CLPB: variants seen among roughly 807,000 people sequenced by gnomAD.
CLPB encodes the protein mitochondrial disaggregase.
A neutral mutation model predicts 78.4 loss-of-function variants in CLPB; 40 were observed. That is an observed-to-expected ratio of 0.51 (90% confidence interval 0.40 to 0.66). CLPB has a LOEUF of 0.66. Ranked by LOEUF, CLPB falls within the 30% of genes least tolerant of loss-of-function variation. The pLI is 0.00. For missense variants in CLPB, 780 were observed against 886.9 expected (o/e 0.88, Z 1.53); for synonymous variants, 333 against 348.0 (o/e 0.96, Z 0.48).
Position 72,294,089 on chromosome 11 carries a change from C to T in CLPB, c.1718G>A (p.Arg573His), listed in dbSNP as rs765245566. 6.2e-5 allele frequency: 100 copies of T among 1,614,000 alleles called. No homozygotes were observed. Among genetic ancestry groups the T allele is most frequent in the Middle Eastern group, 1.6e-4 (1 of 6,084 alleles). ...QRHNITLLWD[R>H]EVADVLVDGY... ...GTCGACCAGCACATCTGCCACCTCGCGGTCCCAGAGCAGCGTGATGTTGTG... is the reference window on the plus strand; with the variant it reads ...GTCGACCAGCACATCTGCCACCTCGTGGTCCCAGAGCAGCGTGATGTTGTG... Residue 573 changes from arginine (R) to histidine (H), a missense_variant, in exon 15 of 16, where the codon CGC becomes CAC. Arg to His is a conservative substitution (Grantham distance 29). Transcript: ENST00000538039.
intron 4 of CLPB, among the ~76,000 whole-genome samples, chr11:72,368,622 A>G (rs2135643744): frequency 6.6e-6 from 1 of 152,334 alleles, no homozygotes; most frequent in Middle Eastern, 3.4e-3. Flanking sequence ...TTCCTTTTAC[A>G]TAGTCTTGTG....
rs772920188 is a variant in CLPB at position 72,307,270 on chromosome 11, G to A, written c.1067-16C>T. ...TCTGTTTTTCCTAGTAAGAAAGAAG[G>A]GGGAGGTGTTGGGTTAGAACCAGGT... On this transcript the variant is annotated splice_polypyrimidine_tract_variant and intron_variant, in intron 8 of 15. Coordinates refer to ENST00000538039, the MANE Select transcript of CLPB (RefSeq NM_001258392.3). The A allele has an allele frequency of 6.2e-7, 1 of 1,613,450 alleles. No homozygotes were observed. The highest frequency in any genetic ancestry group is 8.5e-7 in the Non-Finnish European group (1 of 1,179,520).
chr11:72,425,238 A>G (rs1441995186), intron 2 of CLPB, among the ~76,000 whole-genome samples: 1 of 152,222 alleles, frequency 6.6e-6, no homozygotes, highest in East Asian at 1.9e-4. Context: ...CAGTTGCATA[A>G]TTAGTTATCT....
intron 11 of CLPB, among the ~76,000 whole-genome samples, chr11:72,297,425 G>GTTAA (rs1289501702): frequency 7.9e-5 from 12 of 152,236 alleles, no homozygotes; most frequent in Admixed American, 7.8e-4. Flanking sequence ...TTGAGAAACT[G>GTTAA]TTAATTCCCA....
chr11:72,387,732 T>A (rs1184377106), intron 3 of CLPB, among the ~76,000 whole-genome samples: 2 of 152,008 alleles, frequency 1.3e-5, no homozygotes, highest in Non-Finnish European at 2.9e-5. Flanking sequence ...ATCACATGAA[T>A]CTGGGCTGTG....
intron 5 of CLPB, chr11:72,333,079 C>G (rs1274228245): frequency 1.3e-5 from 2 of 152,218 alleles, no homozygotes; most frequent in African/African-American, 2.4e-5. Context: ...AAGCTACAGG[C>G]TCAGAAAAGT....
intron 7 of CLPB, among the ~76,000 whole-genome samples, chr11:72,315,041 C>A (rs1949917025): frequency 6.6e-6 from 1 of 152,064 alleles, no homozygotes; most frequent in African/African-American, 2.4e-5. Context: ...GAAGGAGCTG[C>A]CTGGTTCAGA....
chr11:72,313,852 C>T (rs1393429648), intron 7 of CLPB, among the ~76,000 whole-genome samples: 7 of 152,114 alleles, frequency 4.6e-5, no homozygotes, highest in Admixed American at 4.6e-4. Flanking sequence ...TAGTAAAGGG[C>T]CTAGGTCTTG....
Position 72,299,290 on chromosome 11 carries a change from A to T in CLPB, c.1329+2513T>A, listed in dbSNP as rs529780275. The stretch of plus-strand genomic sequence containing the variant: ...TTAATGACCCTCTCCCTTCTCATCC[A>T]TTCTTTACACAGCTGCCCACGGCAT... On this transcript the variant is annotated intron_variant, in intron 11 of 15. Coordinates refer to ENST00000538039, the MANE Select transcript of CLPB (RefSeq NM_001258392.3). Among the ~76,000 whole-genome samples the T allele has an allele frequency of 2.0e-5, 3 of 152,300 alleles. No homozygotes were observed. In the South Asian group the frequency reaches 6.2e-4, roughly 32 times the overall value.
chr11:72,339,695 T>C (rs1950384776), intron 5 of CLPB, among the ~76,000 whole-genome samples: 1 of 152,246 alleles, frequency 6.6e-6, no homozygotes, highest in Admixed American at 6.5e-5. Context: ...AGTAAGAAGA[T>C]ACTGTTCTTG....
intron 5 of CLPB, among the ~76,000 whole-genome samples, chr11:72,350,408 C>T (rs1950593704): frequency 6.6e-6 from 1 of 152,204 alleles, no homozygotes; most frequent in South Asian, 2.1e-4. Flanking sequence ...CTCCATTCCC[C>T]TTCGGACTAG....
chr11:72,401,135 A>G (rs1855548631), intron 3 of CLPB, among the ~76,000 whole-genome samples: 1 of 152,164 alleles, frequency 6.6e-6, no homozygotes, highest in African/African-American at 2.4e-5. Flanking sequence ...ATTTATATCA[A>G]TTTTGCTTTT....
Position 72,295,532 on chromosome 11 carries a change from T to C in CLPB, c.1446A>G (p.Glu482=). The change falls in exon 12 of 16, where the codon GAA becomes GAG. Residue 482 remains glutamate, a synonymous_variant. Transcript: ENST00000538039. ...TACGGTTACGGCTCATCTCCAAAGCTTCCTGCCTCAGCTGCAGCGCGTGCT... is the reference window on the plus strand; with the variant it reads ...TACGGTTACGGCTCATCTCCAAAGCCTCCTGCCTCAGCTGCAGCGCGTGCT... ...IAQHALQLRQ[E]ALEMSRNRIA... is the part of the protein sequence containing the mutation. The C allele has an allele frequency of 6.2e-7, 1 of 1,614,184 alleles. No individual in the cohort carries two copies. Among genetic ancestry groups the C allele is most frequent in the South Asian group, 1.1e-5 (1 of 91,078 alleles).
chr11:72,335,713 T>A (rs1246715664), intron 5 of CLPB, among the ~76,000 whole-genome samples: 1 of 152,038 alleles, frequency 6.6e-6, no homozygotes. Context: ...AGACTGAGAG[T>A]TCTTAGAAGC....
At position 72,293,047 on chromosome 11, in the gene CLPB, C is replaced by G. The variant is rs1013421182; in HGVS notation, c.*320G>C. 4.0e-6 allele frequency: 1 copy of G among 249,440 alleles called. No homozygotes were observed. Among genetic ancestry groups the G allele is most frequent in the Non-Finnish European group, 7.9e-6 (1 of 126,688 alleles). 15.5% of individuals were successfully genotyped at this position (249,440 alleles called of 1,614,324 possible). On this transcript the variant is annotated 3_prime_UTR_variant, in exon 16 of 16. Coordinates refer to ENST00000538039, the MANE Select transcript of CLPB (RefSeq NM_001258392.3). Reference sequence around the variant, plus strand: ...TTCCTGGGAACATGAGAAAGTCTGGCGACTATGGGGGATGGGGATCATTCT... The same window carrying G: ...TTCCTGGGAACATGAGAAAGTCTGGGGACTATGGGGGATGGGGATCATTCT...
intron 3 of CLPB, among the ~76,000 whole-genome samples, chr11:72,398,371 G>T (rs1323940744): frequency 1.3e-5 from 2 of 152,294 alleles, no homozygotes; most frequent in East Asian, 3.9e-4. Flanking sequence ...GGGTGCATGG[G>T]TTCGAATCAA....
chr11:72,322,150 A>G (rs570455583), intron 6 of CLPB, among the ~76,000 whole-genome samples: 1 of 152,292 alleles, frequency 6.6e-6, no homozygotes, highest in African/African-American at 2.4e-5. Flanking sequence ...ACATCCCTGT[A>G]GAGGAAGGCC....
intron 11 of CLPB, among the ~76,000 whole-genome samples, chr11:72,299,560 A>C (rs536716597): frequency 6.7e-6 from 1 of 148,242 alleles, no homozygotes. Context: ...TTAGGTTTCT[A>C]CTGCCAGCCC....
chr11:72,371,607 G>T lies in CLPB; in HGVS notation c.646+8674C>A, dbSNP rs559305783. On this transcript the variant is annotated intron_variant, in intron 4 of 15. Coordinates refer to ENST00000538039, the MANE Select transcript of CLPB (RefSeq NM_001258392.3). ...ATAAAATAAAAGTTGTGTAGAGATG[G>T]GGTCTCACAATGTTGCCCAGGCTGG... 1.4e-4 allele frequency among the ~76,000 whole-genome samples: 21 copies of T among 151,070 alleles called. No homozygotes were observed. In the South Asian group the frequency reaches 3.6e-3, roughly 26 times the overall value.
Sources: allele counts gnomAD v4.1 joint callset (sites outside exome capture counted in the v4.1 genomes callset), GRCh38; gene constraint gnomAD v4.1.1; transcripts MANE v1.5; gene names NCBI Gene and HGNC (gene_info 2026-07-23, HGNC 2026-07-21).